The following INSYN2A variants were observed in gnomAD, a reference collection of about 807,000 sequenced individuals.
The protein encoded by INSYN2A is family with sequence similarity 196 member A.
A neutral mutation model predicts 39.4 loss-of-function variants in INSYN2A; 17 were observed. That is an observed-to-expected ratio of 0.43 (90% confidence interval 0.30 to 0.65). The LOEUF (loss-of-function observed/expected upper bound fraction) is 0.65, where lower values mean the gene tolerates loss of function less well. INSYN2A is among the 30% of genes least tolerant of loss of function. The probability of loss-of-function intolerance (pLI) is 0.14; values close to 1 mark genes in which losing one functional copy is unlikely to be tolerated. For missense variants in INSYN2A, 595 were observed against 631.2 expected (o/e 0.94, Z 0.61); for synonymous variants, 255 against 265.7 (o/e 0.96, Z 0.39).
In INSYN2A at chr10:127,175,740, T is replaced by C; in HGVS notation, c.656A>G (p.Glu219Gly). 1 of 1,614,094 alleles carries C rather than the reference T, an allele frequency of 6.2e-7. No individual in the cohort carries two copies. The highest frequency in any genetic ancestry group is 1.3e-5 in the African/African-American group (1 of 75,030). ...LQNSTRPPSE[E>G]PDYQLLGRAK... Reference sequence around the variant, plus strand: ...CCTCCCGAGCAGCTGGTAATCGGGCTCTTCGGATGGAGGCCGAGTGGAGTT... The same window carrying C: ...CCTCCCGAGCAGCTGGTAATCGGGCCCTTCGGATGGAGGCCGAGTGGAGTT... Residue 219 changes from glutamate (E) to glycine (G), a missense_variant, in exon 4 of 6, where the codon GAG becomes GGG. Physicochemically the swap from Glu to Gly is moderately conservative, Grantham distance 98 (BLOSUM62 -2). Transcript: ENST00000522781. This position sits in a 1 kb window ranked among gnomAD's most constrained non-coding sequence, Gnocchi z 6.3.
rs1486126372 is a variant in INSYN2A at position 127,136,820 on chromosome 10, A to G, written c.*1017T>C. ...ACTAAACGCACTGTTTCTCTTTGAG[A>G]TGGTCAGGGCTTCCACCATTAATAC... is the stretch of plus-strand genomic sequence containing the variant. On this transcript the variant is annotated 3_prime_UTR_variant, in exon 6 of 6. Coordinates refer to ENST00000522781, the MANE Select transcript of INSYN2A (RefSeq NM_001039762.3). 2 of 152,578 alleles carry G rather than the reference A, an allele frequency of 1.3e-5. No individual in the cohort carries two copies. The highest frequency in any genetic ancestry group is 2.9e-5 in the Non-Finnish European group (2 of 68,036). 9.5% of individuals were successfully genotyped at this position (152,578 alleles called of 1,614,324 possible).
chr10:127,175,301 C>T lies in INSYN2A; in HGVS notation c.1095G>A (p.Met365Ile). ...CTTGGCTTGAACTGATCAAGTTCTC[C>T]ATCATCTGAAGTTGTGCTTTGAGGT... is the stretch of plus-strand genomic sequence containing the variant. Reference protein sequence around the residue: ...VVDLKAQLQMMENLISSSQET... With the variant: ...VVDLKAQLQMIENLISSSQET... The change falls in exon 4 of 6, where the codon ATG becomes ATA. Residue 365 changes from methionine to isoleucine, a missense_variant. This residue lies in a region of INSYN2A where 117 missense variants were observed against 163.8 expected (regional missense o/e 0.71). Transcript: ENST00000522781. This position sits in a 1 kb window ranked among gnomAD's most constrained non-coding sequence, Gnocchi z 6.3. The T allele has an allele frequency of 6.2e-7, 1 of 1,614,168 alleles. No individual in the cohort carries two copies.
At chr10:127,174,075 ACTGT>A (rs2054837411) in intron 4 of INSYN2A, among the ~76,000 whole-genome samples, 1 of 152,104 alleles carries the variant, frequency 6.6e-6, no homozygotes, top group African/African-American at 2.4e-5. Context: ...CAGTCAGCAA[ACTGT>A]CTAACTCAGC....
rs778313701 is a variant in INSYN2A, at chr10:127,137,984, G to A, written c.1293C>T (p.Leu431=). ...ELDFKQQEDK[L]QPVLRKLHPI... ...GGTGGAGTTTTCTTAGAACCGGCTG[G>A]AGTTTGTCTTCTTGCTGCTTAAAAT... is the stretch of plus-strand genomic sequence containing the variant. Residue 431 remains leucine (L), a synonymous_variant, in exon 6 of 6, where the codon CTC becomes CTT. Coordinates refer to ENST00000522781, the MANE Select transcript of INSYN2A (RefSeq NM_001039762.3). 6.2e-7 allele frequency: 1 copy of A among 1,612,892 alleles called. No homozygotes were observed. Among genetic ancestry groups the A allele is most frequent in the East Asian group, 2.2e-5 (1 of 44,864 alleles).
chr10:127,145,339 C>A (rs1271086123), intron 5 of INSYN2A, among the ~76,000 whole-genome samples: 2 of 152,214 alleles, frequency 1.3e-5, no homozygotes, highest in African/African-American at 4.8e-5. Flanking sequence ...CGCCACATGT[C>A]TATGAAGCAT....
chr10:127,152,536 G>A (rs1031182243), intron 5 of INSYN2A, among the ~76,000 whole-genome samples: 5 of 152,166 alleles, frequency 3.3e-5, no homozygotes, highest in Admixed American at 2.0e-4. Context: ...ACACTCTAAG[G>A]TGGGGGTGGT....
chr10:127,188,649 AC>A (rs2056490005), intron 2 of INSYN2A, among the ~76,000 whole-genome samples: 1 of 152,174 alleles, frequency 6.6e-6, no homozygotes, highest in South Asian at 2.1e-4. Flanking sequence ...CTTTGAGACC[AC>A]CTGCTTGGAT....
At chr10:127,191,458 A>G (rs1169418744) in intron 2 of INSYN2A, among the ~76,000 whole-genome samples, 1 of 152,190 alleles carries the variant, frequency 6.6e-6, no homozygotes, top group Non-Finnish European at 1.5e-5. Flanking sequence ...CAGGTTTTAT[A>G]TCTTTGCTGC....
intron 4 of INSYN2A, among the ~76,000 whole-genome samples, chr10:127,161,457 A>G (rs1415634297): frequency 6.6e-6 from 1 of 152,124 alleles, no homozygotes; most frequent in East Asian, 1.9e-4. Flanking sequence ...CAGTTATGAG[A>G]TCCTTGCTGG....
intron 1 of INSYN2A, among the ~76,000 whole-genome samples, 198 bp downstream of exon 1, chr10:127,195,799 C>T (rs2057086623): frequency 6.6e-6 from 1 of 152,156 alleles, no homozygotes; most frequent in Admixed American, 6.5e-5. Context: ...TGCCCCCCAC[C>T]TGCGACCGCA....
At chr10:127,192,148 C>A (rs1276749072) in intron 2 of INSYN2A, among the ~76,000 whole-genome samples, 1 of 152,124 alleles carries the variant, frequency 6.6e-6, no homozygotes, top group Admixed American at 6.5e-5. Context: ...AGACTCTCTT[C>A]TTTTCTTTTT....
At chr10:127,184,088 C>A (rs558272107) in intron 2 of INSYN2A, among the ~76,000 whole-genome samples, 1 of 152,244 alleles carries the variant, frequency 6.6e-6, no homozygotes, top group Non-Finnish European at 1.5e-5. Flanking sequence ...AGCAGTCTGA[C>A]ATGATGTAAT....
At position 127,137,254 on chromosome 10, in the gene INSYN2A, C is replaced by G. The variant is rs2050780000; in HGVS notation, c.*583G>C. On this transcript the variant is annotated 3_prime_UTR_variant, in exon 6 of 6. Coordinates refer to ENST00000522781, the MANE Select transcript of INSYN2A (RefSeq NM_001039762.3). ...TGAGATGTGGTCACTTGGCTTAGCG[C>G]TATAGCACATGAAGGCAAATATACA... 1 of 152,542 alleles carries G rather than the reference C, an allele frequency of 6.6e-6. No individual in the cohort carries two copies. Among genetic ancestry groups the G allele is most frequent in the Non-Finnish European group, 1.5e-5 (1 of 68,064 alleles). The allele number at this position is 152,542 out of a possible 1,614,324, so 9.4% of individuals were successfully genotyped here. A position where few individuals can be genotyped will look rare whatever the true frequency, so the allele number is the denominator to read the frequency against.
chr10:127,157,015 A>G (rs77373106), intron 4 of INSYN2A, among the ~76,000 whole-genome samples: 2,329 of 152,364 alleles, frequency 0.015, 28 homozygotes, highest in Non-Finnish European at 0.024. Context: ...TACAGGAGAC[A>G]TTTGCGAATA....
chr10:127,190,841 G>A lies in INSYN2A; in HGVS notation c.-269+1764C>T, dbSNP rs1194250325. Among the ~76,000 whole-genome samples the A allele has an allele frequency of 3.3e-5, 5 of 151,846 alleles. No individual in the cohort carries two copies. The East Asian group carries it at 9.7e-4, about 29-fold the overall frequency. On this transcript the variant is annotated intron_variant, in intron 2 of 5. Coordinates refer to ENST00000522781, the MANE Select transcript of INSYN2A (RefSeq NM_001039762.3). The stretch of plus-strand genomic sequence containing the variant: ...TAGCTGCCCCCTAACTTACTTCCCA[G>A]TGCTACTGAGACTGGCACATTCTCA...
rs2050625634 is a variant in INSYN2A at position 127,135,631 on chromosome 10, A to G, written c.*2206T>C. 6.5e-6 allele frequency: 1 copy of G among 152,754 alleles called. No individual in the cohort carries two copies. The highest frequency in any genetic ancestry group is 3.4e-3 in the Middle Eastern group (1 of 294). The allele number at this position is 152,754 out of a possible 1,614,324, so 9.5% of individuals were successfully genotyped here. On this transcript the variant is annotated 3_prime_UTR_variant, in exon 6 of 6. Coordinates refer to ENST00000522781, the MANE Select transcript of INSYN2A (RefSeq NM_001039762.3). ...GTGACGTGTTGCAATTAAACTATGA[A>G]ATGATTTTGACAATAGTTTTTCTAT... is the stretch of plus-strand genomic sequence containing the variant.
chr10:127,195,698 G>T (rs1223312828), intron 1 of INSYN2A, among the ~76,000 whole-genome samples: 1 of 152,000 alleles, frequency 6.6e-6, no homozygotes, highest in Admixed American at 6.6e-5. Flanking sequence ...AACCCACATC[G>T]CAGAGGCGCA....
intron 2 of INSYN2A, among the ~76,000 whole-genome samples, chr10:127,179,051 T>C (rs1188127521): frequency 6.6e-6 from 1 of 152,206 alleles, no homozygotes; most frequent in African/African-American, 2.4e-5. Context: ...AGGGAAAATT[T>C]GAAAGAGAGA....
rs1589779516 is a variant in INSYN2A at position 127,175,503 on chromosome 10, T to C, written c.893A>G (p.Gln298Arg). 6.8e-6 allele frequency: 11 copies of C among 1,608,740 alleles called. No individual in the cohort carries two copies. The East Asian group carries it at 2.2e-4, about 33-fold the overall frequency. Reference protein sequence around the residue: ...RRRATHLNGLQAPSETALACS... With the variant: ...RRRATHLNGLRAPSETALACS... Reference sequence around the variant, plus strand: ...GGCCAGGGCAGTTTCCGAGGGCGCCTGGAGCCCGTTGAGATGTGTGGCTCT... The same window carrying C: ...GGCCAGGGCAGTTTCCGAGGGCGCCCGGAGCCCGTTGAGATGTGTGGCTCT... The change falls in exon 4 of 6, where the codon CAG becomes CGG. Residue 298 changes from glutamine (Q) to arginine (R), a missense_variant. This residue lies in a region of INSYN2A where 478 missense variants were observed against 467.4 expected (regional missense o/e 1.02). Transcript: ENST00000522781. This position sits in a 1 kb window ranked among gnomAD's most constrained non-coding sequence, Gnocchi z 6.3.
Sources: gnomAD v4.1 joint callset for allele counts (sites outside exome capture counted in the v4.1 genomes callset) on GRCh38, gnomAD v4.1.1 for gene constraint, gnomAD v4.1.1 regional missense constraint, Gnocchi (gnomAD v3.1) non-coding constraint, MANE v1.5 for transcripts, NCBI Gene and HGNC (gene_info 2026-07-23, HGNC 2026-07-21) for gene names.